The following ZIC4 variants were observed in gnomAD, a reference collection of about 807,000 sequenced individuals.
ZIC4 encodes the protein zinc finger protein ZIC 4.
In ZIC4, 15 loss-of-function variants were observed where a neutral mutation model predicts 28.8. The ratio of observed to expected loss-of-function variants is 0.52; its 90% CI spans 0.35 to 0.80. The LOEUF is 0.80. Among genes scored for constraint, ZIC4 ranks in the 30% least tolerant of loss-of-function variants. The pLI, the probability that ZIC4 is intolerant of heterozygous loss-of-function variation, is 0.01. For synonymous variants in ZIC4, 220 were observed against 198.1 expected, an observed-to-expected ratio of 1.11 and a Z score of -0.93; for missense variants, 512 against 467.1, an observed-to-expected ratio of 1.10 and a Z score of -0.89.
chr3:147,398,981 A>G (rs2087110175), intron 2 of ZIC4, among the ~76,000 whole-genome samples: 1 of 151,938 alleles, frequency 6.6e-6, no homozygotes, highest in Non-Finnish European at 1.5e-5. Flanking sequence ...CACTTTAGGG[A>G]GGGATTAACT....
At chr3:147,388,896 G>C in intron 4 of ZIC4, 37 bp from the exon 5 acceptor site, 1 of 778,668 alleles carries the variant, frequency 1.3e-6, no homozygotes. Context: ...GGCGATTAGT[G>C]GCCGACCAAA....
At chr3:147,392,108 C>T (rs530842226) in intron 3 of ZIC4, 2 of 985,714 alleles carry the variant, frequency 2.0e-6, no homozygotes, top group East Asian at 1.1e-4. Context: ...ACCGGTCTGC[C>T]CAGACCACCC....
intron 1 of ZIC4, among the ~76,000 whole-genome samples, chr3:147,404,537 G>T (rs2087234980): frequency 6.6e-6 from 1 of 152,190 alleles, no homozygotes; most frequent in Non-Finnish European, 1.5e-5. Flanking sequence ...CCGTGGACCT[G>T]AGGTCCCAAA....
intron 2 of ZIC4, among the ~76,000 whole-genome samples, chr3:147,401,725 G>A (rs567318820): frequency 7.9e-5 from 12 of 152,334 alleles, no homozygotes; most frequent in Non-Finnish European, 1.8e-4. Context: ...GGCAATAAAA[G>A]AGGATATTCT....
chr3:147,395,826 C>A (rs1316621391), intron 3 of ZIC4, 26 bp downstream of exon 3: 2 of 1,588,486 alleles, frequency 1.3e-6, no homozygotes, highest in Non-Finnish European at 1.7e-6. Flanking sequence ...AGGGTCCGCA[C>A]GCGACAGACA....
chr3:147,391,826 G>T (rs188230870), intron 3 of ZIC4: 786 of 347,354 alleles, frequency 2.3e-3, no homozygotes, highest in Admixed American at 5.7e-3. Flanking sequence ...CACATTGTGT[G>T]TGCATAAAGT....
chr3:147,400,488 T>C (rs2087142419), intron 2 of ZIC4, among the ~76,000 whole-genome samples: 2 of 152,226 alleles, frequency 1.3e-5, no homozygotes, highest in African/African-American at 4.8e-5. Flanking sequence ...AGGTAGCTTC[T>C]TCTTGCTTGA....
At chr3:147,400,464 T>G (rs1301882661) in intron 2 of ZIC4, among the ~76,000 whole-genome samples, 4 of 152,180 alleles carry the variant, frequency 2.6e-5, no homozygotes, top group African/African-American at 9.7e-5. Flanking sequence ...GCTGAAAACA[T>G]CTGGACCCAT....
rs917530240 is a variant in ZIC4, at chr3:147,388,473, A to C, written c.*386T>G. 3 of 247,798 alleles carry C rather than the reference A, an allele frequency of 1.2e-5. No individual in the cohort carries two copies. The highest frequency in any genetic ancestry group is 2.3e-5 in the Non-Finnish European group (3 of 131,088). 15.3% of individuals were successfully genotyped at this position (247,798 alleles called of 1,614,324 possible). On this transcript the variant is annotated 3_prime_UTR_variant, in exon 5 of 5. Coordinates refer to ENST00000383075, the MANE Select transcript of ZIC4 (RefSeq NM_032153.6). The stretch of plus-strand genomic sequence containing the variant: ...AACAAAGGGGGCTGAGCGGCGATTC[A>C]AGCGGCTCTTTTCTTCCTTCACATT...
intron 2 of ZIC4, among the ~76,000 whole-genome samples, chr3:147,398,712 T>C (rs1422671533): frequency 6.6e-6 from 1 of 152,102 alleles, no homozygotes; most frequent in African/African-American, 2.4e-5. Flanking sequence ...CTTGTATCTT[T>C]AAGAAAAGTT....
intron 3 of ZIC4, 73 bp from the exon 4 acceptor site, chr3:147,391,319 T>TTCG: frequency 6.9e-7 from 1 of 1,453,350 alleles, no homozygotes; most frequent in Non-Finnish European, 9.2e-7. Flanking sequence ...CCCTCCCCCA[T>TTCG]TCGTCTCTCA....
At chr3:147,406,292 T>A (rs1464011891) in intron 1 of ZIC4, 71 bp downstream of exon 1, 2 of 152,460 alleles carry the variant, frequency 1.3e-5, no homozygotes, top group East Asian at 3.9e-4. Flanking sequence ...GTGGTCCCCT[T>A]GAGGGTACTT....
In ZIC4 at chr3:147,395,840, C is replaced by T. The variant is rs1423565023; in HGVS notation, c.688+12G>A. On this transcript the variant is annotated intron_variant, in intron 3 of 4. Transcript: ENST00000383075. ...GAGGGTCCGCACGCGACAGACAGCG[C>T]CGAATACTGACCTGTGTGAGTTCGT... The T allele has an allele frequency of 6.2e-7, 1 of 1,601,508 alleles. No individual in the cohort carries two copies. The highest frequency in any genetic ancestry group is 2.2e-5 in the East Asian group (1 of 44,724).
At chr3:147,402,667 AAAG>A (rs769370243) in intron 2 of ZIC4, 58 bp downstream of exon 2, 312 of 1,455,344 alleles carry the variant, frequency 2.1e-4, no homozygotes, top group East Asian at 1.2e-3. Context: ...TAAAAAAAAA[AAAG>A]AAGAAGAAGA....
chr3:147,390,978 C>T lies in ZIC4; in HGVS notation c.957G>A (p.Val319=), dbSNP rs773538698. 10 of 1,612,708 alleles carry T rather than the reference C, an allele frequency of 6.2e-6. No individual in the cohort carries two copies. Among genetic ancestry groups the T allele is most frequent in the Non-Finnish European group, 5.9e-6 (7 of 1,179,636 alleles). Residue 319 remains valine (V), a synonymous_variant, in exon 4 of 5, where the codon GTG becomes GTA. Transcript: ENST00000383075. The part of the protein sequence containing the change: ...PSSDCGHKSQ[V]ASSAAVAART... Reference sequence around the variant, plus strand: ...GCGCCGCCACCGCCGCCGAGGAGGCCACCTGGGACTTGTGGCCGCAGTCCG... The same window carrying T: ...GCGCCGCCACCGCCGCCGAGGAGGCTACCTGGGACTTGTGGCCGCAGTCCG...
At chr3:147,393,694 C>A in intron 3 of ZIC4, 1 of 288,732 alleles carries the variant, frequency 3.5e-6, no homozygotes, top group Non-Finnish European at 6.9e-6. Flanking sequence ...CGCCCCGGCG[C>A]GGTCTCTTTT....
At chr3:147,404,731 G>C (rs541827093) in intron 1 of ZIC4, among the ~76,000 whole-genome samples, 1 of 152,346 alleles carries the variant, frequency 6.6e-6, no homozygotes, top group African/African-American at 2.4e-5. Context: ...TGCCGGAGGA[G>C]AGCCAAGAAG....
intron 3 of ZIC4, chr3:147,391,729 A>AC (rs1490618887): frequency 2.4e-5 from 2 of 82,750 alleles, no homozygotes; most frequent in African/African-American, 4.6e-5. Flanking sequence ...CCCCCCACCC[A>AC]CCCCCATCCT....
At chr3:147,402,900 AAAG>A in intron 1 of ZIC4, 88 bp from the exon 2 acceptor site, 9 of 1,080,376 alleles carry the variant, frequency 8.3e-6, no homozygotes, top group Admixed American at 2.1e-5. Context: ...TGTATGAATG[AAAG>A]AAGGAGTTGA....
Sources: gnomAD v4.1 joint callset for allele counts (sites outside exome capture counted in the v4.1 genomes callset) on GRCh38, gnomAD v4.1.1 for gene constraint, MANE v1.5 for transcripts, NCBI Gene and HGNC (gene_info 2026-07-23, HGNC 2026-07-21) for gene names.